The following CPEB1 variants were observed in gnomAD, a reference collection of about 807,000 sequenced individuals.
CPEB1 encodes the protein cytoplasmic polyadenylation element binding protein 1, also known as cytoplasmic polyadenylation element-binding protein 1.
A neutral mutation model predicts 65.8 loss-of-function variants in CPEB1; 7 were observed. The ratio of observed to expected loss-of-function variants is 0.11; its 90% confidence interval spans 0.06 to 0.20. The LOEUF is 0.20. Ranked by LOEUF, CPEB1 falls within the 10% of genes least tolerant of loss-of-function variation. CPEB1 has a pLI of 1.00. For synonymous variants in CPEB1, 262 were observed against 260.0 expected (o/e 1.01, Z -0.08); for missense variants, 551 against 712.2 (o/e 0.77, Z 2.58).
intron 1 of CPEB1, among the ~76,000 whole-genome samples, chr15:82,643,295 T>A (rs587709401): frequency 1.3e-5 from 2 of 152,094 alleles, no homozygotes; most frequent in Admixed American, 1.3e-4. Context: ...CAGAAAAAAA[T>A]TCTTTGGCAA....
chr15:82,594,994 G>A (rs150684763), intron 3 of CPEB1, among the ~76,000 whole-genome samples: 4,337 of 152,208 alleles, frequency 0.028, 105 homozygotes, highest in Non-Finnish European at 0.04. Flanking sequence ...TAGCAGCAAA[G>A]CAACAGTAAA....
intron 3 of CPEB1, among the ~76,000 whole-genome samples, chr15:82,606,872 C>T (rs1447864631): frequency 2.0e-5 from 3 of 151,636 alleles, no homozygotes; most frequent in Admixed American, 6.6e-5. Flanking sequence ...GTAGCTCATG[C>T]CTGCAATCCC....
At chr15:82,647,976 C>A (rs1371711865), upstream of CPEB1, 3 of 895,804 alleles carry the variant, frequency 3.3e-6, no homozygotes, top group Non-Finnish European at 2.9e-6. Context: ...CGCGCAGCCC[C>A]GCACCCCGGC....
chr15:82,644,205 C>T (rs937677384), intron 1 of CPEB1, among the ~76,000 whole-genome samples: 18 of 152,218 alleles, frequency 1.2e-4, no homozygotes, highest in Non-Finnish European at 1.5e-5. Context: ...CTGACTTCTA[C>T]AGCAACTGGG....
intron 3 of CPEB1, among the ~76,000 whole-genome samples, chr15:82,582,411 C>G (rs568693802): frequency 2.0e-5 from 3 of 152,256 alleles, no homozygotes; most frequent in African/African-American, 7.2e-5. Context: ...CAAAAGAAAG[C>G]AGGAAAGAAG....
At chr15:82,578,949 G>T (rs2040948457) in intron 3 of CPEB1, among the ~76,000 whole-genome samples, 1 of 151,992 alleles carries the variant, frequency 6.6e-6, no homozygotes, top group African/African-American at 2.4e-5. Context: ...CCAGCCTCCC[G>T]AGTAGCTGGG....
chr15:82,585,070 A>C (rs988563923), intron 3 of CPEB1, among the ~76,000 whole-genome samples: 2 of 152,188 alleles, frequency 1.3e-5, no homozygotes, highest in African/African-American at 4.8e-5. Context: ...TGACAAAATG[A>C]TATTAGGATC....
chr15:82,546,699 T>A (rs889308790), intron 11 of CPEB1, among the ~76,000 whole-genome samples, 178 bp from the exon 12 acceptor site: 2 of 151,552 alleles, frequency 1.3e-5, no homozygotes, highest in Non-Finnish European at 2.9e-5. Flanking sequence ...CAGAAAGGAG[T>A]TCTAGAGGAC....
Position 82,582,503 on chromosome 15 carries a change from C to T in CPEB1, c.272-10971G>A, listed in dbSNP as rs546591530. ...CACAAGGCTCAGAGATGGCCATAAG[C>T]GACAAAGCTACTAAAAGGCAGAAGA... On this transcript the variant is annotated intron_variant, in intron 3 of 12. Transcript: ENST00000684509. Among the ~76,000 whole-genome samples, 23 of 152,214 alleles carry T rather than the reference C, an allele frequency of 1.5e-4. No individual in the cohort carries two copies. The South Asian group carries it at 2.9e-3, about 19-fold the overall frequency.
Position 82,544,546 on chromosome 15 carries a change from C to G in CPEB1, c.*46G>C, listed in dbSNP as rs888655222. 3.3e-6 allele frequency: 5 copies of G among 1,493,220 alleles called. No individual in the cohort carries two copies. In the South Asian group the frequency reaches 3.5e-5, roughly 10 times the overall value. The allele number at this position is 1,493,220 out of a possible 1,614,324, so 92.5% of individuals were successfully genotyped here. ...AGGGTGGTGCAGGCTGCTTGCCTGA[C>G]CTGCCAGCTTTGGGCGCCACAGGCC... On this transcript the variant is annotated 3_prime_UTR_variant, in exon 13 of 13. Coordinates refer to ENST00000684509, the MANE Select transcript of CPEB1 (RefSeq NM_001365242.1).
At chr15:82,610,060 C>CAAA (rs34626642) in intron 3 of CPEB1, among the ~76,000 whole-genome samples, 9 of 106,298 alleles carry the variant, frequency 8.5e-5, no homozygotes, top group East Asian at 5.3e-4. Flanking sequence ...ACCTCCGTGG[C>CAAA]AAAAAAAAAA....
chr15:82,578,811 T>C (rs1356271156), intron 3 of CPEB1, among the ~76,000 whole-genome samples: 4 of 152,136 alleles, frequency 2.6e-5, no homozygotes, highest in African/African-American at 4.8e-5. Flanking sequence ...AAGTCAGTCA[T>C]ACAAAATTAC....
intron 4 of CPEB1, chr15:82,562,154 CTTTTTTT>C (rs66642827): frequency 2.4e-6 from 1 of 415,648 alleles, no homozygotes; most frequent in Non-Finnish European, 4.7e-6. Context: ...TCACTAGCTA[CTTTTTTT>C]TTTTTTTTTA....
intron 12 of CPEB1, among the ~76,000 whole-genome samples, chr15:82,545,374 T>A (rs934360797): frequency 6.6e-6 from 1 of 152,188 alleles, no homozygotes; most frequent in South Asian, 2.1e-4. Flanking sequence ...CCAAATCTGA[T>A]CAATGGCATC....
intron 3 of CPEB1, chr15:82,573,095 C>G (rs1282950255): frequency 6.5e-7 from 1 of 1,535,646 alleles, no homozygotes; most frequent in Non-Finnish European, 8.7e-7. Flanking sequence ...GCATGCCCAC[C>G]TGGGACCTCC....
chr15:82,554,549 ACT>A (rs1457529499), intron 6 of CPEB1, among the ~76,000 whole-genome samples: 1 of 152,176 alleles, frequency 6.6e-6, no homozygotes. Context: ...TCCAAGCCAG[ACT>A]CATCTTTATA....
chr15:82,586,091 T>C (rs560634227), intron 3 of CPEB1, among the ~76,000 whole-genome samples: 26 of 152,274 alleles, frequency 1.7e-4, no homozygotes, highest in African/African-American at 6.0e-4. Flanking sequence ...GAAACAGACA[T>C]CAGGATACAA....
chr15:82,620,958 T>A (rs1159943400), intron 3 of CPEB1, among the ~76,000 whole-genome samples: 1 of 152,264 alleles, frequency 6.6e-6, no homozygotes, highest in Non-Finnish European at 1.5e-5. Context: ...AGTACACTCA[T>A]ACTTTTCTGT....
At chr15:82,601,198 G>A (rs575460872) in intron 3 of CPEB1, among the ~76,000 whole-genome samples, 65 of 149,460 alleles carry the variant, frequency 4.3e-4, no homozygotes, top group African/African-American at 1.5e-3. Context: ...ATGAGTCACC[G>A]TGCTTGGGGG....
Sources: allele counts gnomAD v4.1 joint callset (sites outside exome capture counted in the v4.1 genomes callset), GRCh38; gene constraint gnomAD v4.1.1; transcripts MANE v1.5; gene names NCBI Gene and HGNC (gene_info 2026-07-23, HGNC 2026-07-21).